The following WAC variants were observed in gnomAD, a reference collection of about 807,000 sequenced individuals.
The protein encoded by WAC is WW domain containing adaptor with coiled-coil.
A neutral mutation model predicts 79.6 loss-of-function variants in WAC; 11 were observed. The observed-to-expected ratio is 0.14, with a 90% confidence interval of 0.09 to 0.23. WAC has a LOEUF of 0.23. WAC is among the 10% of genes least tolerant of loss of function. The probability of loss-of-function intolerance (pLI) is 1.00; values close to 1 mark genes in which losing one functional copy is unlikely to be tolerated. For synonymous variants in WAC, 304 were observed against 276.9 expected (o/e 1.10, Z -0.97); for missense variants, 728 against 773.5 (o/e 0.94, Z 0.70).
At chr10:28,535,416 T>C in intron 2 of WAC, 146 bp from the exon 3 acceptor site, 1 of 998,120 alleles carries the variant, frequency 1.0e-6, no homozygotes, top group East Asian at 2.7e-5. Context: ...TGAGAAACTT[T>C]AAAGAGTAAA....
chr10:28,606,191 C>T (rs539852910), intron 7 of WAC, among the ~76,000 whole-genome samples: 2 of 152,094 alleles, frequency 1.3e-5, no homozygotes, highest in East Asian at 3.9e-4. Flanking sequence ...GCTGGGACCA[C>T]AGGCGCAAGC....
chr10:28,590,110 C>T (rs1840010601), intron 5 of WAC, among the ~76,000 whole-genome samples: 1 of 151,970 alleles, frequency 6.6e-6, no homozygotes, highest in Non-Finnish European at 1.5e-5. Context: ...CACTTGAGCC[C>T]AGGAGTTTGA....
intron 3 of WAC, among the ~76,000 whole-genome samples, chr10:28,571,866 T>C (rs1219601990): frequency 6.6e-6 from 1 of 152,254 alleles, no homozygotes; most frequent in Non-Finnish European, 1.5e-5. Context: ...ACTCAGTTTT[T>C]TAGCTATATT....
chr10:28,607,054 A>G (rs985760257), intron 7 of WAC, among the ~76,000 whole-genome samples: 2 of 152,174 alleles, frequency 1.3e-5, no homozygotes, highest in Non-Finnish European at 2.9e-5. Context: ...TTTCCTAGGC[A>G]TTCAAGTTCC....
intron 2 of WAC, 130 bp downstream of exon 2, chr10:28,534,164 G>T: frequency 2.2e-6 from 2 of 900,152 alleles, no homozygotes; most frequent in Non-Finnish European, 3.2e-6. Context: ...TAGCACCGCG[G>T]ATCCCCTTAA....
At chr10:28,579,369 C>T (rs1839414217) in intron 3 of WAC, among the ~76,000 whole-genome samples, 2 of 152,108 alleles carry the variant, frequency 1.3e-5, no homozygotes, top group Non-Finnish European at 2.9e-5. Context: ...CACTCTGTCT[C>T]TCACCAGCAT....
At chr10:28,606,643 A>G (rs765210267) in intron 7 of WAC, among the ~76,000 whole-genome samples, 4 of 152,212 alleles carry the variant, frequency 2.6e-5, no homozygotes, top group Admixed American at 6.5e-5. Flanking sequence ...TCTGTTTTCA[A>G]TAAGCTTGCT....
At position 28,533,952 on chromosome 10, in the gene WAC, A is replaced by G. The variant is rs780647689; in HGVS notation, c.42-46A>G. 7.5e-6 allele frequency: 12 copies of G among 1,600,292 alleles called. No homozygotes were observed. The East Asian group carries it at 2.8e-4, about 37-fold the overall frequency. On this transcript the variant is annotated intron_variant, in intron 1 of 13. Coordinates refer to ENST00000354911, the MANE Select transcript of WAC (RefSeq NM_016628.5). ...CCGTTTTCTTCCTCCCCGGCCCCCC[A>G]CCCGCGCCGTGTCTTATGTCGCTGC... is the stretch of plus-strand genomic sequence containing the variant.
chr10:28,606,659 T>G (rs1840968578), intron 7 of WAC, among the ~76,000 whole-genome samples: 1 of 152,240 alleles, frequency 6.6e-6, no homozygotes, highest in South Asian at 2.1e-4. Flanking sequence ...TTGCTAGTAC[T>G]GTATATATGA....
At chr10:28,575,706 G>A (rs182793502) in intron 3 of WAC, among the ~76,000 whole-genome samples, 2 of 152,282 alleles carry the variant, frequency 1.3e-5, no homozygotes, top group Admixed American at 1.3e-4. Context: ...AGTTCTTACT[G>A]GTAGAATTAG....
chr10:28,568,772 C>T (rs2132534400), intron 3 of WAC, among the ~76,000 whole-genome samples: 1 of 152,202 alleles, frequency 6.6e-6, no homozygotes, highest in African/African-American at 2.4e-5. Flanking sequence ...CGGGGTTTCA[C>T]TATGCTGACC....
At chr10:28,594,633 G>A (rs961245960) in intron 6 of WAC, among the ~76,000 whole-genome samples, 1 of 152,078 alleles carries the variant, frequency 6.6e-6, no homozygotes, top group African/African-American at 2.4e-5. Context: ...TGACAGCTTT[G>A]AAACTGACTT....
intron 3 of WAC, among the ~76,000 whole-genome samples, chr10:28,541,810 T>C (rs1291018208): frequency 2.0e-5 from 3 of 152,128 alleles, no homozygotes; most frequent in African/African-American, 7.2e-5. Context: ...TCTCACTATT[T>C]TATCATTTTA....
At chr10:28,553,581 T>G (rs1049684211) in intron 3 of WAC, among the ~76,000 whole-genome samples, 2 of 152,176 alleles carry the variant, frequency 1.3e-5, no homozygotes, top group African/African-American at 4.8e-5. Flanking sequence ...AACAAAGGCA[T>G]TATATGGTTT....
chr10:28,617,833 C>G (rs1841538547), intron 13 of WAC, 49 bp downstream of exon 13: 1 of 1,522,740 alleles, frequency 6.6e-7, no homozygotes, highest in South Asian at 1.3e-5. Flanking sequence ...GATTATGATT[C>G]TTAAATCGAA....
In WAC at chr10:28,590,741, A is replaced by T. The variant is rs1401889721; in HGVS notation, c.519A>T (p.Ala173=). ...WLEREQRQKE[A]NKMAVNSFPK... is the part of the protein sequence containing the mutation. ...TTAGAGAACAGAGACAAAAAGAAGC[A>T]AACAAGATGGCAGTCAACAGCTTCC... The change falls in exon 6 of 14, where the codon GCA becomes GCT. Residue 173 remains alanine (A), a synonymous_variant. Coordinates refer to ENST00000354911, the MANE Select transcript of WAC (RefSeq NM_016628.5). The T allele has an allele frequency of 6.2e-7, 1 of 1,607,576 alleles. No homozygotes were observed. Among genetic ancestry groups the T allele is most frequent in the Admixed American group, 1.7e-5 (1 of 59,028 alleles).
At chr10:28,539,678 T>C (rs966342594) in intron 3 of WAC, among the ~76,000 whole-genome samples, 2 of 151,948 alleles carry the variant, frequency 1.3e-5, no homozygotes, top group East Asian at 3.9e-4. Flanking sequence ...TCTGCCTTAA[T>C]GTCCCAAGTA....
chr10:28,583,465 C>T lies in WAC; in HGVS notation c.341C>T (p.Ser114Phe). The T allele has an allele frequency of 1.9e-6, 3 of 1,593,126 alleles. No individual in the cohort carries two copies. Among genetic ancestry groups the T allele is most frequent in the Non-Finnish European group, 2.6e-6 (3 of 1,171,862 alleles). ...GCTCTTCATAGTTCAAATTCACATT[C>T]TTCTAATCCAAGCAATAACCCAAGC... is the stretch of plus-strand genomic sequence containing the variant. ...HSALHSSNSH[S>F]SNPSNNPSKT... Residue 114 changes from serine to phenylalanine, a missense_variant, in exon 4 of 14, where the codon TCT becomes TTT. Ser to Phe is a radical substitution (Grantham distance 155). Coordinates refer to ENST00000354911, the MANE Select transcript of WAC (RefSeq NM_016628.5).
At chr10:28,544,231 G>A (rs1040941721) in intron 3 of WAC, among the ~76,000 whole-genome samples, 1 of 152,056 alleles carries the variant, frequency 6.6e-6, no homozygotes, top group African/African-American at 2.4e-5. Context: ...CCCTTTATTC[G>A]CTTGTATTAA....
Sources: gnomAD v4.1 joint callset for allele counts (sites outside exome capture counted in the v4.1 genomes callset) on GRCh38, gnomAD v4.1.1 for gene constraint, MANE v1.5 for transcripts, NCBI Gene and HGNC (gene_info 2026-07-23, HGNC 2026-07-21) for gene names.